Variants in PLAGL1 observed in about 807,000 individuals in gnomAD.
PLAGL1 encodes the protein PLAG1 like zinc finger 1, also known as zinc finger protein PLAGL1.
PLAGL1 carries 1 observed loss-of-function variant against 4.6 expected under a neutral mutation model. The observed-to-expected ratio is 0.22, with a 90% CI of 0.08 to 1.03. The LOEUF is 1.03. Ranked by LOEUF, PLAGL1 falls within the 50% of genes least tolerant of loss-of-function variation. The probability of loss-of-function intolerance (pLI) is 0.58; values close to 1 mark genes in which losing one functional copy is unlikely to be tolerated. For missense variants in PLAGL1, 464 were observed against 570.4 expected (o/e 0.81, Z 1.90); for synonymous variants, 240 against 237.8 (o/e 1.01, Z -0.08).
In PLAGL1 at chr6:144,008,172, C is replaced by A. The variant is rs2128682089; in HGVS notation, c.-666G>T. 1 of 151,934 alleles carries A rather than the reference C, an allele frequency of 6.6e-6. No individual in the cohort carries two copies. The highest frequency in any genetic ancestry group is 6.6e-5 in the Admixed American group (1 of 15,248). 9.4% of individuals were successfully genotyped at this position (151,934 alleles called of 1,614,324 possible). A position where few individuals can be genotyped will look rare whatever the true frequency, so the allele number is the denominator to read the frequency against. On this transcript the variant is annotated 5_prime_UTR_variant, in exon 1 of 8. Transcript: ENST00000674357. The surrounding 1 kb of genome is among the most constrained non-coding windows in gnomAD (Gnocchi z 6.9). The stretch of plus-strand genomic sequence containing the variant: ...CGGCCATGACGGCGACCCGGGGAAG[C>A]GCCCCGCGCGCCAAGGCCCCGCGCT...
rs932311054 is a variant in PLAGL1 at position 143,962,027 on chromosome 6, A to G, written c.-398-1485T>C. Among the ~76,000 whole-genome samples the G allele has an allele frequency of 6.6e-6, 1 of 152,224 alleles. No homozygotes were observed. The highest frequency in any genetic ancestry group is 1.5e-5 in the Non-Finnish European group (1 of 68,042). The stretch of plus-strand genomic sequence containing the variant: ...CCTCCAAGGGCTCACACAGGAGCTT[A>G]TTCTTAAGCTGTTCAATGTAAGCAG... On this transcript the variant is annotated intron_variant, in intron 5 of 7. Transcript: ENST00000674357. The surrounding 1 kb of genome is among the most constrained non-coding windows in gnomAD (Gnocchi z 5.3).
rs765679175 is a variant in PLAGL1, at chr6:143,970,848, A to G, written c.-543-1870T>C. 1.5e-4 allele frequency among the ~76,000 whole-genome samples: 23 copies of G among 152,208 alleles called. No homozygotes were observed. The highest frequency in any genetic ancestry group is 3.2e-4 in the Non-Finnish European group (22 of 68,032). On this transcript the variant is annotated intron_variant, in intron 2 of 7. Transcript: ENST00000674357. This position sits in a 1 kb window ranked among gnomAD's most constrained non-coding sequence, Gnocchi z 5.8. The stretch of plus-strand genomic sequence containing the variant: ...TGAAGTTATCTGATTCTATAAGCAT[A>G]GCAAGACCACAATTTTTAACTGCAG...
rs1174243088 is a variant in PLAGL1 at position 143,945,836 on chromosome 6, G to T, written c.152+2149C>A. Among the ~76,000 whole-genome samples the T allele has an allele frequency of 6.6e-6, 1 of 152,064 alleles. No individual in the cohort carries two copies. Among genetic ancestry groups the T allele is most frequent in the Non-Finnish European group, 1.5e-5 (1 of 68,022 alleles). On this transcript the variant is annotated intron_variant, in intron 7 of 7. Transcript: ENST00000674357. The surrounding 1 kb of genome is among the most constrained non-coding windows in gnomAD (Gnocchi z 4.2). ...GTCCTTTACTATATCACTGCTTCAG[G>T]CAAGAGAGGCGAGAGGCAAGAAATG...
intron 1 of PLAGL1, among the ~76,000 whole-genome samples, chr6:144,002,420 G>T (rs1039612331): frequency 1.6e-4 from 25 of 152,110 alleles, no homozygotes; most frequent in African/African-American, 5.6e-4. Flanking sequence ...AGAGGTCCCA[G>T]CCAGTGCAAT....
At chr6:144,054,718 A>C (rs894688942) in intron 1 of PLAGL1, among the ~76,000 whole-genome samples, 1 of 151,858 alleles carries the variant, frequency 6.6e-6, no homozygotes, top group Non-Finnish European at 1.5e-5. Context: ...TATGTAACAA[A>C]CCTGCACGTT....
Position 143,949,307 on chromosome 6 carries a change from C to T in PLAGL1, c.-324-847G>A, listed in dbSNP as rs1338512955. Among the ~76,000 whole-genome samples, 1 of 152,190 alleles carries T rather than the reference C, an allele frequency of 6.6e-6. No individual in the cohort carries two copies. The highest frequency in any genetic ancestry group is 2.4e-5 in the African/African-American group (1 of 41,458). On this transcript the variant is annotated intron_variant, in intron 6 of 7. Coordinates refer to ENST00000674357, the MANE Select transcript of PLAGL1 (RefSeq NM_001317162.2). The surrounding 1 kb of genome is among the most constrained non-coding windows in gnomAD (Gnocchi z 5.3). ...CATCCTTCTGACTCAGCCAGAGTCA[C>T]CAAAAACCAGGTTCTTCTTTTTCTA...
At position 144,063,046 on chromosome 6, in the gene PLAGL1, T is replaced by C. The variant is rs866792910; in HGVS notation, c.-151+1422A>G. 6.6e-6 allele frequency among the ~76,000 whole-genome samples: 1 copy of C among 152,152 alleles called. No homozygotes were observed. The highest frequency in any genetic ancestry group is 2.4e-5 in the African/African-American group (1 of 41,432). On this transcript the variant is annotated intron_variant, in intron 1 of 3. Transcript: ENST00000437412. The surrounding 1 kb of genome is among the most constrained non-coding windows in gnomAD (Gnocchi z 5.7). Reference sequence around the variant, plus strand: ...TGCTGACAATTTTCTGAGTTACAGTTTACACCAACGTTGTCACAGAGTTGA... The same window carrying C: ...TGCTGACAATTTTCTGAGTTACAGTCTACACCAACGTTGTCACAGAGTTGA...
chr6:143,983,487 G>T lies in PLAGL1; in HGVS notation c.-544+1648C>A, dbSNP rs2128612171. ...TCCTTGAGCAGGTGAGAGGAGATGG[G>T]ACTAAGAATATAAGTACAAGGGTAA... On this transcript the variant is annotated intron_variant, in intron 2 of 7. Transcript: ENST00000674357. This position sits in a 1 kb window ranked among gnomAD's most constrained non-coding sequence, Gnocchi z 6.6. Among the ~76,000 whole-genome samples, 1 of 152,268 alleles carries T rather than the reference G, an allele frequency of 6.6e-6. No homozygotes were observed. The highest frequency in any genetic ancestry group is 6.5e-5 in the Admixed American group (1 of 15,272).
Position 144,056,026 on chromosome 6 carries a change from G to C in PLAGL1, c.-151+8442C>G, listed in dbSNP as rs1330476748. 1.3e-5 allele frequency among the ~76,000 whole-genome samples: 2 copies of C among 152,066 alleles called. No individual in the cohort carries two copies. Among genetic ancestry groups the C allele is most frequent in the Non-Finnish European group, 1.5e-5 (1 of 68,008 alleles). On this transcript the variant is annotated intron_variant, in intron 1 of 3. Transcript: ENST00000437412. The surrounding 1 kb of genome is among the most constrained non-coding windows in gnomAD (Gnocchi z 4.7). ...ACATATAAGACAGAAGTACCACAGA[G>C]AAGTTCAACATGGTAAAAGATGACT...
Position 144,039,908 on chromosome 6 carries a change from CT to C in PLAGL1, c.-151+24559del, listed in dbSNP as rs1410634027. 6.6e-6 allele frequency among the ~76,000 whole-genome samples: 1 copy of C among 152,136 alleles called. No individual in the cohort carries two copies. The highest frequency in any genetic ancestry group is 6.5e-5 in the Admixed American group (1 of 15,270). On this transcript the variant is annotated intron_variant, in intron 1 of 3. Transcript: ENST00000437412. The surrounding 1 kb of genome is among the most constrained non-coding windows in gnomAD (Gnocchi z 4.1). Reference sequence around the variant, plus strand: ...ATACATTGTGGCACATAATGGCATCCTTATGCCAATAAAAATGGATGAAATT... The same window carrying C: ...ATACATTGTGGCACATAATGGCATCCTATGCCAATAAAAATGGATGAAATT...
intron 2 of PLAGL1, among the ~76,000 whole-genome samples, chr6:143,976,566 T>C (rs1786598032): frequency 6.6e-6 from 1 of 152,180 alleles, no homozygotes; most frequent in African/African-American, 2.4e-5. Flanking sequence ...TCACTTGAAA[T>C]GTGCAATTTA....
chr6:143,983,109 A>G lies in PLAGL1; in HGVS notation c.-544+2026T>C, dbSNP rs1056620405. Among the ~76,000 whole-genome samples, 5 of 152,206 alleles carry G rather than the reference A, an allele frequency of 3.3e-5. No individual in the cohort carries two copies. Among genetic ancestry groups the G allele is most frequent in the South Asian group, 2.1e-4 (1 of 4,830 alleles). The stretch of plus-strand genomic sequence containing the variant: ...CAATGAGGATGTAACTGCAAGAAAG[A>G]TAAGAGTAGTCACATGCAATAGGAA... On this transcript the variant is annotated intron_variant, in intron 2 of 7. Coordinates refer to ENST00000674357, the MANE Select transcript of PLAGL1 (RefSeq NM_001317162.2). This position sits in a 1 kb window ranked among gnomAD's most constrained non-coding sequence, Gnocchi z 6.6.
intron 1 of PLAGL1, among the ~76,000 whole-genome samples, chr6:144,018,400 G>T (rs554228622): frequency 1.3e-5 from 2 of 152,112 alleles, no homozygotes; most frequent in African/African-American, 2.4e-5. Flanking sequence ...ATGGGGTAGC[G>T]GGTATTGGTC....
At chr6:144,062,541 G>C (rs2128733681) in intron 1 of PLAGL1, among the ~76,000 whole-genome samples, 1 of 146,466 alleles carries the variant, frequency 6.8e-6, no homozygotes, top group Non-Finnish European at 1.5e-5. Flanking sequence ...TGTGTGGCTA[G>C]TACAGAAGGG....
rs1782489175 is a variant in PLAGL1, at chr6:143,957,878, T to C, written c.-325+2591A>G. On this transcript the variant is annotated intron_variant, in intron 6 of 7. Coordinates refer to ENST00000674357, the MANE Select transcript of PLAGL1 (RefSeq NM_001317162.2). This position sits in a 1 kb window ranked among gnomAD's most constrained non-coding sequence, Gnocchi z 4.2. Reference sequence around the variant, plus strand: ...GCAGGGTATCTTGACACTGGATTTATAGATGACCTCATTGTTTATTTTTTG... The same window carrying C: ...GCAGGGTATCTTGACACTGGATTTACAGATGACCTCATTGTTTATTTTTTG... Among the ~76,000 whole-genome samples the C allele has an allele frequency of 6.6e-6, 1 of 152,250 alleles. No homozygotes were observed.
rs1231306130 is a variant in PLAGL1, at chr6:144,053,613, A to G, written c.-151+10855T>C. Among the ~76,000 whole-genome samples, 4 of 152,342 alleles carry G rather than the reference A, an allele frequency of 2.6e-5. No individual in the cohort carries two copies. In the East Asian group the frequency reaches 7.7e-4, roughly 29 times the overall value. On this transcript the variant is annotated intron_variant, in intron 1 of 3. Transcript: ENST00000437412. This position sits in a 1 kb window ranked among gnomAD's most constrained non-coding sequence, Gnocchi z 4.0. ...GACAGTACAGACAATAAGTCCCTACAGGACTTATTTGGATAAAAAGGAAAA... is the reference window on the plus strand; with the variant it reads ...GACAGTACAGACAATAAGTCCCTACGGGACTTATTTGGATAAAAAGGAAAA...
Position 143,948,116 on chromosome 6 carries a change from C to G in PLAGL1, c.21G>C (p.Gln7His). The change falls in exon 7 of 8, where the codon CAG becomes CAC. Residue 7 changes from glutamine to histidine, a missense_variant. By Grantham distance (24) the Gln-to-His change is conservative. Transcript: ENST00000674357. This position sits in a 1 kb window ranked among gnomAD's most constrained non-coding sequence, Gnocchi z 6.0. Reference protein sequence around the residue: MATFPCQLCGKTFLTLE... With the variant: MATFPCHLCGKTFLTLE... The stretch of plus-strand genomic sequence containing the variant: ...GGGTGAGGAACGTCTTGCCACATAA[C>G]TGGCAGGGGAACGTGGCCATGGGCT... The G allele has an allele frequency of 6.2e-7, 1 of 1,613,700 alleles. No homozygotes were observed. The highest frequency in any genetic ancestry group is 8.5e-7 in the Non-Finnish European group (1 of 1,179,830).
intron 1 of PLAGL1, among the ~76,000 whole-genome samples, chr6:144,031,340 GC>G (rs1186026185): frequency 6.6e-6 from 1 of 152,162 alleles, no homozygotes; most frequent in Non-Finnish European, 1.5e-5. Context: ...CTATGTGGAA[GC>G]TTTTTAGTTT....
intron 2 of PLAGL1, among the ~76,000 whole-genome samples, chr6:143,977,467 CT>C (rs1786912556): frequency 2.4e-5 from 2 of 82,846 alleles, no homozygotes; most frequent in African/African-American, 8.8e-5. Flanking sequence ...TCTTCTTCTT[CT>C]TCTTTTTTTT....
Sources: allele counts gnomAD v4.1 joint callset (sites outside exome capture counted in the v4.1 genomes callset), GRCh38; gene constraint gnomAD v4.1.1; non-coding constraint Gnocchi (gnomAD v3.1); transcripts MANE v1.5; gene names NCBI Gene and HGNC (gene_info 2026-07-23, HGNC 2026-07-21).